Variants in MGAT4A observed in about 807,000 individuals in gnomAD.
MGAT4A encodes alpha-1,3-mannosyl-glycoprotein 4-beta-N-acetylglucosaminyltransferase A.
Under a neutral mutation model 74.1 loss-of-function variants are expected in MGAT4A, and 33 were observed. That is an observed-to-expected ratio of 0.45 (90% CI 0.34 to 0.60). The LOEUF is 0.60. Among genes scored for constraint, MGAT4A ranks in the 20% least tolerant of loss-of-function variants. MGAT4A has a pLI of 0.02. For synonymous variants in MGAT4A, 198 were observed against 210.4 expected (o/e 0.94, Z 0.51); for missense variants, 479 against 628.3 (o/e 0.76, Z 2.54).
At chr2:98,667,416 A>G (rs1452463347) in intron 4 of MGAT4A, among the ~76,000 whole-genome samples, 2 of 152,210 alleles carry the variant, frequency 1.3e-5, no homozygotes, top group African/African-American at 2.4e-5. Context: ...GGAGTTCCCT[A>G]GAGACTTGTT....
At chr2:98,634,989 T>C (rs1474808930) in intron 14 of MGAT4A, among the ~76,000 whole-genome samples, 1 of 151,836 alleles carries the variant, frequency 6.6e-6, no homozygotes, top group Non-Finnish European at 1.5e-5. Context: ...TCAGGGAGCA[T>C]CAACAAGAGC....
chr2:98,677,617 T>C lies in MGAT4A; in HGVS notation c.262+687A>G, dbSNP rs1426426856. Among the ~76,000 whole-genome samples, 3 of 151,970 alleles carry C rather than the reference T, an allele frequency of 2.0e-5. No homozygotes were observed. In the East Asian group the frequency reaches 5.8e-4, roughly 29 times the overall value. ...ACAGGCGCACACCAACATGCCCGGC[T>C]AATTTTTGTATTTTTAGTAGGGATG... On this transcript the variant is annotated intron_variant, in intron 3 of 15. Transcript: ENST00000393487.
chr2:98,671,762 A>G (rs533100430), intron 4 of MGAT4A, among the ~76,000 whole-genome samples: 2 of 152,070 alleles, frequency 1.3e-5, no homozygotes, highest in South Asian at 4.2e-4. Flanking sequence ...AGATGGGGTG[A>G]TTATTCTGGA....
chr2:98,729,533 TAAC>T (rs1370999127), intron 1 of MGAT4A, among the ~76,000 whole-genome samples: 4 of 152,182 alleles, frequency 2.6e-5, no homozygotes, highest in Admixed American at 6.5e-5. Context: ...TTTGAATCTT[TAAC>T]AACAACAAAA....
In MGAT4A at chr2:98,639,712, A is replaced by C. The variant is rs112878736; in HGVS notation, c.1322+96T>G. On this transcript the variant is annotated intron_variant, in intron 12 of 15. Coordinates refer to ENST00000393487, the MANE Select transcript of MGAT4A (RefSeq NM_012214.3). Reference sequence around the variant, plus strand: ...ACATTTTGGGCCCCACTGTGTCCCCACATCTGTCAGGCACACACACAAAAA... The same window carrying C: ...ACATTTTGGGCCCCACTGTGTCCCCCCATCTGTCAGGCACACACACAAAAA... 946 of 1,112,920 alleles carry C rather than the reference A, an allele frequency of 8.5e-4. 4 individuals are homozygous for C. In the African/African-American group the frequency reaches 0.013, roughly 16 times the overall value. 68.9% of individuals were successfully genotyped at this position (1,112,920 alleles called of 1,614,324 possible).
chr2:98,680,634 A>G (rs1702046136), intron 2 of MGAT4A, among the ~76,000 whole-genome samples: 1 of 152,240 alleles, frequency 6.6e-6, no homozygotes, highest in Admixed American at 6.5e-5. Flanking sequence ...AGGACAGAGA[A>G]GGCTGTGATA....
At chr2:98,636,707 A>C in intron 12 of MGAT4A, 112 bp from the exon 13 acceptor site, 1 of 820,978 alleles carries the variant, frequency 1.2e-6, no homozygotes, top group East Asian at 2.7e-5. Flanking sequence ...CTAAGCAAGC[A>C]AAGTTGACAA....
At chr2:98,662,921 T>C (rs1701772243) in intron 5 of MGAT4A, 125 bp downstream of exon 5, 1 of 650,872 alleles carries the variant, frequency 1.5e-6, no homozygotes, top group Non-Finnish European at 2.4e-6. Context: ...ATAGAATATA[T>C]TACCTAAGCT....
At chr2:98,647,626 C>T (rs1399168582) in intron 8 of MGAT4A, among the ~76,000 whole-genome samples, 3 of 152,136 alleles carry the variant, frequency 2.0e-5, no homozygotes, top group Non-Finnish European at 2.9e-5. Flanking sequence ...GCCCATAACG[C>T]GCTTTCTTAT....
intron 10 of MGAT4A, among the ~76,000 whole-genome samples, chr2:98,642,941 A>G (rs1012536294): frequency 2.6e-5 from 4 of 152,194 alleles, no homozygotes; most frequent in African/African-American, 9.7e-5. Flanking sequence ...GGATCCAACT[A>G]TTCTAGGGAG....
rs1366917891 is a variant in MGAT4A, at chr2:98,639,952, G to A, written c.1178C>T (p.Pro393Leu). The A allele has an allele frequency of 1.9e-6, 3 of 1,613,896 alleles. No homozygotes were observed. Among genetic ancestry groups the A allele is most frequent in the African/African-American group, 2.7e-5 (2 of 74,916 alleles). ...CTTCAAGGAAGTAGATACCTCCGCA[G>A]GTGGGTTTACATGGATTTTAAGAAG... Reference protein sequence around the residue: ...PLLLKIHVNPPAEVSTSLKVY... With the variant: ...PLLLKIHVNPLAEVSTSLKVY... The change falls in exon 12 of 16, where the codon CCT becomes CTT. Residue 393 changes from proline (P) to leucine (L), a missense_variant. Pro to Leu is a moderately conservative substitution (Grantham distance 98). Coordinates refer to ENST00000393487, the MANE Select transcript of MGAT4A (RefSeq NM_012214.3).
At chr2:98,672,359 A>T (rs146354712) in intron 4 of MGAT4A, among the ~76,000 whole-genome samples, 1,773 of 152,308 alleles carry the variant, frequency 0.012, 16 homozygotes, top group Middle Eastern at 0.027. Flanking sequence ...ACCACATCTA[A>T]TTTTGTGTAC....
intron 4 of MGAT4A, among the ~76,000 whole-genome samples, chr2:98,673,980 C>T (rs538991397): frequency 6.6e-6 from 1 of 152,250 alleles, no homozygotes; most frequent in Non-Finnish European, 1.5e-5. Flanking sequence ...TTTTTTGAAT[C>T]ATTAGAGAAA....
chr2:98,667,541 T>C (rs958536653), intron 4 of MGAT4A, among the ~76,000 whole-genome samples: 6 of 152,204 alleles, frequency 3.9e-5, no homozygotes, highest in Non-Finnish European at 8.8e-5. Context: ...ATTCTTGTTG[T>C]GTTTTAGCAA....
At chr2:98,626,724 G>C (rs1701150237) in intron 14 of MGAT4A, among the ~76,000 whole-genome samples, 1 of 152,162 alleles carries the variant, frequency 6.6e-6, no homozygotes, top group African/African-American at 2.4e-5. Context: ...GGTATACCAA[G>C]GAGAAGAACA....
At chr2:98,714,580 G>C (rs1439328058) in intron 2 of MGAT4A, among the ~76,000 whole-genome samples, 1 of 152,124 alleles carries the variant, frequency 6.6e-6, no homozygotes, top group Non-Finnish European at 1.5e-5. Context: ...AGAGGGACTG[G>C]AAAGATGATG....
intron 5 of MGAT4A, among the ~76,000 whole-genome samples, chr2:98,659,495 T>G (rs925526357): frequency 1.3e-5 from 2 of 152,108 alleles, no homozygotes; most frequent in African/African-American, 4.8e-5. Context: ...CCTATTGATA[T>G]GGTTTGGCGT....
chr2:98,725,967 C>T, intron 2 of MGAT4A: 2 of 410,508 alleles, frequency 4.9e-6, no homozygotes, highest in South Asian at 2.3e-4. Flanking sequence ...TATTATTCAA[C>T]TTGGCTGTCT....
intron 4 of MGAT4A, among the ~76,000 whole-genome samples, chr2:98,674,533 G>A (rs574173706): frequency 6.6e-6 from 1 of 152,114 alleles, no homozygotes; most frequent in Non-Finnish European, 1.5e-5. Flanking sequence ...TGTTGCCTCT[G>A]ACAAGAAGAG....
Sources: allele counts gnomAD v4.1 joint callset (sites outside exome capture counted in the v4.1 genomes callset), GRCh38; gene constraint gnomAD v4.1.1; transcripts MANE v1.5; gene names NCBI Gene and HGNC (gene_info 2026-07-23, HGNC 2026-07-21).